Variants in PTPRK observed in about 807,000 individuals in gnomAD.
PTPRK encodes the protein protein tyrosine phosphatase receptor type K, also known as receptor-type tyrosine-protein phosphatase kappa.
PTPRK carries 75 observed loss-of-function variants against 178.0 expected under a neutral mutation model. That is an observed-to-expected ratio of 0.42 (90% CI 0.35 to 0.51). The LOEUF (loss-of-function observed/expected upper bound fraction) is 0.51. Ranked by LOEUF, PTPRK falls within the 20% of genes least tolerant of loss-of-function variation. PTPRK has a pLI of 0.02. For missense variants in PTPRK, 1,441 were observed against 1,797.8 expected (o/e 0.80, Z 3.59); for synonymous variants, 637 against 620.6 (o/e 1.03, Z -0.39).
intron 5 of PTPRK, among the ~76,000 whole-genome samples, chr6:128,228,113 C>A (rs1811669402): frequency 1.5e-5 from 2 of 135,202 alleles, no homozygotes; most frequent in African/African-American, 2.8e-5. Context: ...AACTTAAAGT[C>A]TAATTAAAAA....
At chr6:128,384,073 T>C (rs1838335745) in intron 2 of PTPRK, among the ~76,000 whole-genome samples, 1 of 152,228 alleles carries the variant, frequency 6.6e-6, no homozygotes, top group Non-Finnish European at 1.5e-5. Flanking sequence ...GCTGCTACTT[T>C]AGGAAATAAA....
At chr6:128,071,040 C>T (rs1042292288) in intron 11 of PTPRK, among the ~76,000 whole-genome samples, 9 of 151,532 alleles carry the variant, frequency 5.9e-5, no homozygotes, top group Non-Finnish European at 1.2e-4. Context: ...CTTCCTGTGA[C>T]ATTGTATCCA....
At chr6:127,996,464 G>GT (rs1213325902) in intron 17 of PTPRK, among the ~76,000 whole-genome samples, 3 of 151,944 alleles carry the variant, frequency 2.0e-5, no homozygotes, top group African/African-American at 7.2e-5. Flanking sequence ...AGCCAATGTT[G>GT]TTTTTGTTTG....
intron 7 of PTPRK, among the ~76,000 whole-genome samples, chr6:128,094,012 G>T (rs1787489427): frequency 1.3e-5 from 2 of 152,176 alleles, no homozygotes; most frequent in African/African-American, 4.8e-5. Context: ...ATAGAAGCAA[G>T]ATCTTTAGAC....
chr6:128,499,187 A>G (rs1214381071), intron 1 of PTPRK, among the ~76,000 whole-genome samples: 1 of 152,214 alleles, frequency 6.6e-6, no homozygotes, highest in East Asian at 1.9e-4. Context: ...TTTATTCACA[A>G]CATCCTGTCA....
At chr6:127,995,302 C>A (rs1562400277) in intron 18 of PTPRK, 160 bp downstream of exon 18, 1 of 1,604,438 alleles carries the variant, frequency 6.2e-7, no homozygotes, top group Non-Finnish European at 8.5e-7. Context: ...TGAAAGAAAG[C>A]ACAACAATGT....
chr6:128,017,256 T>G (rs910231398), intron 13 of PTPRK, among the ~76,000 whole-genome samples: 1 of 152,072 alleles, frequency 6.6e-6, no homozygotes, highest in Non-Finnish European at 1.5e-5. Flanking sequence ...ATCTTGTTAA[T>G]CTTTATGATT....
chr6:128,071,952 C>G (rs567023499), intron 11 of PTPRK, among the ~76,000 whole-genome samples: 13 of 152,044 alleles, frequency 8.6e-5, no homozygotes, highest in African/African-American at 2.2e-4. Context: ...AATAAGAAAT[C>G]GCATTAGAAG....
At chr6:128,250,538 T>C (rs1816300129) in intron 3 of PTPRK, among the ~76,000 whole-genome samples, 1 of 152,152 alleles carries the variant, frequency 6.6e-6, no homozygotes. Flanking sequence ...AAAAGGGAAA[T>C]ATGAGAATAG....
At chr6:128,278,017 T>G (rs1011510459) in intron 3 of PTPRK, among the ~76,000 whole-genome samples, 3 of 152,154 alleles carry the variant, frequency 2.0e-5, no homozygotes, top group Admixed American at 6.6e-5. Context: ...AAATTATTGG[T>G]GAAATTCTAT....
chr6:128,232,915 T>C lies in PTPRK; in HGVS notation c.693+7120A>G, dbSNP rs902781278. The stretch of plus-strand genomic sequence containing the variant: ...CATTGCATTGTTTTTTCTTTATGCA[T>C]GTTACCTAGCGTGAGCTGATCACAT... On this transcript the variant is annotated intron_variant, in intron 5 of 29. Transcript: ENST00000368226. 3.9e-5 allele frequency among the ~76,000 whole-genome samples: 6 copies of C among 152,248 alleles called. No homozygotes were observed. In the East Asian group the frequency reaches 7.7e-4, roughly 20 times the overall value.
At chr6:128,346,323 CAGAT>C (rs1406711316) in intron 2 of PTPRK, among the ~76,000 whole-genome samples, 1 of 151,840 alleles carries the variant, frequency 6.6e-6, no homozygotes, top group African/African-American at 2.4e-5. Context: ...AAGAAGGAAA[CAGAT>C]AAAGATGAAA....
At chr6:128,463,968 C>A (rs566783582) in intron 1 of PTPRK, among the ~76,000 whole-genome samples, 1 of 151,524 alleles carries the variant, frequency 6.6e-6, no homozygotes, top group Admixed American at 6.6e-5. Flanking sequence ...GTTGGCCAGG[C>A]GGTCTCGAAC....
At chr6:128,239,794 T>C (rs185286795) in intron 5 of PTPRK, among the ~76,000 whole-genome samples, 5 of 152,354 alleles carry the variant, frequency 3.3e-5, no homozygotes, top group Admixed American at 3.3e-4. Context: ...ACAGAGAGAA[T>C]TGTGTTTCAC....
intron 22 of PTPRK, among the ~76,000 whole-genome samples, chr6:127,984,110 C>A (rs1159210948): frequency 2.6e-5 from 4 of 151,978 alleles, no homozygotes; most frequent in Admixed American, 2.6e-4. Context: ...ATATTTTAGT[C>A]TTTAATTGGC....
intron 7 of PTPRK, among the ~76,000 whole-genome samples, chr6:128,111,507 T>C (rs1183047923): frequency 6.6e-6 from 1 of 152,206 alleles, no homozygotes; most frequent in Admixed American, 6.6e-5. Flanking sequence ...TGCATACAAA[T>C]GACAGTAAAA....
At chr6:128,408,493 T>A (rs1376503551) in intron 1 of PTPRK, among the ~76,000 whole-genome samples, 1 of 152,080 alleles carries the variant, frequency 6.6e-6, no homozygotes, top group Non-Finnish European at 1.5e-5. Context: ...AAATGAAGAG[T>A]TTGTCTATAT....
chr6:128,116,557 C>A (rs908638215), intron 7 of PTPRK, among the ~76,000 whole-genome samples: 1 of 152,152 alleles, frequency 6.6e-6, no homozygotes, highest in Non-Finnish European at 1.5e-5. Flanking sequence ...GAATCCAAAG[C>A]TTGGGTAAAA....
At chr6:128,321,810 T>A in intron 3 of PTPRK, 1 of 715,146 alleles carries the variant, frequency 1.4e-6, no homozygotes, top group Middle Eastern at 2.3e-4. Context: ...TTTGTGCCAA[T>A]GTCTCCAAAC....
Sources: allele counts gnomAD v4.1 joint callset (sites outside exome capture counted in the v4.1 genomes callset), GRCh38; gene constraint gnomAD v4.1.1; transcripts MANE v1.5; gene names NCBI Gene and HGNC (gene_info 2026-07-23, HGNC 2026-07-21).